GDI2: variants seen among roughly 807,000 people sequenced by gnomAD.
GDI2 encodes rab GDP dissociation inhibitor beta.
A neutral mutation model predicts 54.2 loss-of-function variants in GDI2; 22 were observed. That is an observed-to-expected ratio of 0.41 (90% CI 0.29 to 0.58). The LOEUF is 0.58. Among genes scored for constraint, GDI2 ranks in the 20% least tolerant of loss-of-function variants. The probability of loss-of-function intolerance (pLI) is 0.35; values close to 1 mark genes in which losing one functional copy is unlikely to be tolerated. For synonymous variants in GDI2, 177 were observed against 182.1 expected (o/e 0.97, Z 0.23); for missense variants, 422 against 546.0 (o/e 0.77, Z 2.26).
rs1222271701 is a variant in GDI2, at chr10:5,767,202, A to C, written c.992-564T>G. 2.0e-5 allele frequency among the ~76,000 whole-genome samples: 3 copies of C among 152,246 alleles called. No homozygotes were observed. In the East Asian group the frequency reaches 5.8e-4, roughly 29 times the overall value. ...GAGAGCATTTAAAGGCCAAAAAAAA[A>C]AAACTCTGGGACCTCCTTTATTCTT... is the stretch of plus-strand genomic sequence containing the variant. On this transcript the variant is annotated intron_variant, in intron 8 of 10. Transcript: ENST00000380191.
intron 2 of GDI2, among the ~76,000 whole-genome samples, chr10:5,799,166 A>AC (rs1398534506): frequency 1.3e-5 from 2 of 151,282 alleles, no homozygotes; most frequent in Admixed American, 6.6e-5. Flanking sequence ...ACACAGAGAG[A>AC]CCCCATCTCT....
intron 4 of GDI2, among the ~76,000 whole-genome samples, chr10:5,788,765 TG>T (rs1417234989): frequency 1.5e-5 from 2 of 134,596 alleles, no homozygotes; most frequent in African/African-American, 5.2e-5. Context: ...GAGGTTTGCA[TG>T]TTTTTTTTTT....
chr10:5,765,920 A>C lies in GDI2; in HGVS notation c.*86T>G. 2 of 923,964 alleles carry C rather than the reference A, an allele frequency of 2.2e-6. No homozygotes were observed. Among genetic ancestry groups the C allele is most frequent in the South Asian group, 1.7e-5 (1 of 58,280 alleles). The allele number at this position is 923,964 out of a possible 1,614,324, so 57.2% of individuals were successfully genotyped here. A position where few individuals can be genotyped will look rare whatever the true frequency, so the allele number is the denominator to read the frequency against. On this transcript the variant is annotated 3_prime_UTR_variant, in exon 11 of 11. Coordinates refer to ENST00000380191, the MANE Select transcript of GDI2 (RefSeq NM_001494.4). ...TCATTCTCTCCATTTTCATTACAAA[A>C]GCAGGCCTTACAATATTGATTTCAT...
At position 5,778,368 on chromosome 10, in the gene GDI2, G is replaced by C. The variant is rs184629447; in HGVS notation, c.720-4427C>G. Among the ~76,000 whole-genome samples, 141 of 152,306 alleles carry C rather than the reference G, an allele frequency of 9.3e-4. 1 individual carries two copies. The highest frequency in any genetic ancestry group is 3.1e-3 in the African/African-American group (130 of 41,550). On this transcript the variant is annotated intron_variant, in intron 6 of 10. Coordinates refer to ENST00000380191, the MANE Select transcript of GDI2 (RefSeq NM_001494.4). ...AAACTTAAATAATATGGTGGCCCGA[G>C]GGGCTGCCTTGTAATTGAAACATGC...
At chr10:5,770,963 CAAAAAAAAA>C (rs59686031) in intron 7 of GDI2, among the ~76,000 whole-genome samples, 3 of 46,394 alleles carry the variant, frequency 6.5e-5, no homozygotes, top group South Asian at 1.2e-3. Context: ...GAGACTGTCT[CAAAAAAAAA>C]AAAAAAAAAA....
At chr10:5,775,843 T>C (rs1840607424) in intron 6 of GDI2, among the ~76,000 whole-genome samples, 2 of 152,180 alleles carry the variant, frequency 1.3e-5, no homozygotes, top group South Asian at 4.1e-4. Context: ...CATGGCACCG[T>C]GCGTGGCAGC....
intron 2 of GDI2, among the ~76,000 whole-genome samples, chr10:5,798,540 G>A (rs901325021): frequency 6.0e-5 from 9 of 150,132 alleles, no homozygotes; most frequent in Admixed American, 3.3e-4. Context: ...ACTGAGCTAA[G>A]ATCGTGCCAC....
intron 1 of GDI2, among the ~76,000 whole-genome samples, chr10:5,805,417 C>T (rs918722563): frequency 3.3e-5 from 5 of 149,714 alleles, no homozygotes; most frequent in East Asian, 2.0e-4. Context: ...GGTCTCACTC[C>T]GTTGCCCAGC....
Position 5,785,117 on chromosome 10 carries a change from T to C in GDI2, c.719+25A>G, listed in dbSNP as rs764156097. 9.1e-6 allele frequency: 14 copies of C among 1,538,822 alleles called. No individual in the cohort carries two copies. The South Asian group carries it at 1.6e-4, about 18-fold the overall frequency. ...TGTTGAAGATGAGGTTTTGGATCAC[T>C]GAGGTTTTAAACACAGGCTCTTACC... is the stretch of plus-strand genomic sequence containing the variant. On this transcript the variant is annotated intron_variant, in intron 6 of 10. Transcript: ENST00000380191.
rs530337576 is a variant in GDI2, at chr10:5,788,819, G to C, written c.389-2769C>G. Among the ~76,000 whole-genome samples the C allele has an allele frequency of 6.6e-5, 10 of 152,064 alleles. 1 individual carries two copies. In the South Asian group the frequency reaches 1.9e-3, roughly 28 times the overall value. On this transcript the variant is annotated intron_variant, in intron 4 of 10. Coordinates refer to ENST00000380191, the MANE Select transcript of GDI2 (RefSeq NM_001494.4). Reference sequence around the variant, plus strand: ...TCTGTCGCCCAGGCTAGAGTGCGCAGTGGCGCGATTTCGGCTCACTGCAAC... The same window carrying C: ...TCTGTCGCCCAGGCTAGAGTGCGCACTGGCGCGATTTCGGCTCACTGCAAC...
chr10:5,811,779 C>A (rs1337446867), intron 1 of GDI2: 2 of 356,986 alleles, frequency 5.6e-6, no homozygotes, highest in Non-Finnish European at 5.4e-6. Context: ...TCAAACATAA[C>A]GAAGTATTCA....
Position 5,776,822 on chromosome 10 carries a change from A to T in GDI2, c.720-2881T>A, listed in dbSNP as rs1035958748. ...TTTTCCATCTCCAGAACTTCCCCTTATGGAGCTGAGGATATTCTGAAAGGA... is the reference window on the plus strand; with the variant it reads ...TTTTCCATCTCCAGAACTTCCCCTTTTGGAGCTGAGGATATTCTGAAAGGA... On this transcript the variant is annotated intron_variant, in intron 6 of 10. Coordinates refer to ENST00000380191, the MANE Select transcript of GDI2 (RefSeq NM_001494.4). This position sits in a 1 kb window ranked among gnomAD's most constrained non-coding sequence, Gnocchi z 5.3. 7.6e-6 allele frequency: 11 copies of T among 1,441,292 alleles called. No individual in the cohort carries two copies. Among genetic ancestry groups the T allele is most frequent in the Non-Finnish European group, 9.6e-6 (10 of 1,042,342 alleles). The allele number at this position is 1,441,292 out of a possible 1,614,324, so 89.3% of individuals were successfully genotyped here.
chr10:5,796,590 T>A (rs1458716479), intron 3 of GDI2, among the ~76,000 whole-genome samples, 173 bp downstream of exon 3: 1 of 152,176 alleles, frequency 6.6e-6, no homozygotes, highest in Non-Finnish European at 1.5e-5. Flanking sequence ...ACCCCTTCCT[T>A]CCTTTCCTAA....
chr10:5,792,221 C>T (rs1004191410), intron 4 of GDI2, among the ~76,000 whole-genome samples: 2 of 152,116 alleles, frequency 1.3e-5, no homozygotes, highest in African/African-American at 4.8e-5. Flanking sequence ...TGGCTCCAAA[C>T]CAGTTACTAG....
intron 7 of GDI2, 141 bp downstream of exon 7, chr10:5,773,701 T>TA (rs1840550006): frequency 5.0e-6 from 3 of 603,624 alleles, no homozygotes; most frequent in African/African-American, 3.8e-5. Flanking sequence ...ACAGCAACTG[T>TA]AATTAGTCCT....
chr10:5,783,417 T>C (rs980050947), intron 6 of GDI2, among the ~76,000 whole-genome samples: 1 of 152,228 alleles, frequency 6.6e-6, no homozygotes, highest in African/African-American at 2.4e-5. Context: ...TCTGTATCTT[T>C]AAAGTGGAGC....
intron 1 of GDI2, among the ~76,000 whole-genome samples, chr10:5,805,646 A>G (rs1324311756): frequency 6.6e-6 from 1 of 152,210 alleles, no homozygotes; most frequent in Non-Finnish European, 1.5e-5. Flanking sequence ...TTGTCCTCCC[A>G]AAGTGCTGGG....
At position 5,813,344 on chromosome 10, in the gene GDI2, G is replaced by A. The variant is rs1315534437; in HGVS notation, c.-86C>T. On this transcript the variant is annotated 5_prime_UTR_variant, in exon 1 of 11. Transcript: ENST00000380191. ...CCCTACGAGGCTGGGAGGCGCTCTT[G>A]GGCGCGAAGGAAAGGGGAAGAGAAA... 3.1e-5 allele frequency: 30 copies of A among 979,706 alleles called. No individual in the cohort carries two copies. The highest frequency in any genetic ancestry group is 4.4e-5 in the Admixed American group (2 of 45,184). 60.7% of individuals were successfully genotyped at this position (979,706 alleles called of 1,614,324 possible).
rs1840823586 is a variant in GDI2 at position 5,784,212 on chromosome 10, A to G, written c.719+930T>C. On this transcript the variant is annotated intron_variant, in intron 6 of 10. Transcript: ENST00000380191. The stretch of plus-strand genomic sequence containing the variant: ...GAAATTTCTTTCTTCTACTTATTCA[A>G]TTCTATTGCTGAGACTTTCCAGTGC... Among the ~76,000 whole-genome samples the G allele has an allele frequency of 2.6e-5, 4 of 152,084 alleles. No homozygotes were observed. In the South Asian group the frequency reaches 8.3e-4, roughly 32 times the overall value.
Sources: allele counts gnomAD v4.1 joint callset (sites outside exome capture counted in the v4.1 genomes callset), GRCh38; gene constraint gnomAD v4.1.1; non-coding constraint Gnocchi (gnomAD v3.1); transcripts MANE v1.5; gene names NCBI Gene and HGNC (gene_info 2026-07-23, HGNC 2026-07-21).